The following ASIC4 variants were observed in gnomAD, a reference collection of about 807,000 sequenced individuals.
The protein encoded by ASIC4 is acid sensing ion channel subunit family member 4.
In ASIC4, 28 loss-of-function variants were observed where a neutral mutation model predicts 53.4. That is an observed-to-expected ratio of 0.52 (90% confidence interval 0.39 to 0.72). ASIC4 has a LOEUF of 0.72. Among genes scored for constraint, ASIC4 ranks in the 30% least tolerant of loss-of-function variants. ASIC4 has a pLI of 0.00. For synonymous variants in ASIC4, 289 were observed against 301.4 expected (o/e 0.96, Z 0.43); for missense variants, 649 against 729.7 (o/e 0.89, Z 1.27).
chr2:219,512,776 C>T (rs942487080), upstream of ASIC4, among the ~76,000 whole-genome samples: 3 of 152,278 alleles, frequency 2.0e-5, no homozygotes, highest in African/African-American at 7.2e-5. Flanking sequence ...ACCAGCTGAC[C>T]CAGACTCATT....
At chr2:219,527,515 G>A (rs1169915284) in intron 1 of ASIC4, among the ~76,000 whole-genome samples, 7 of 152,148 alleles carry the variant, frequency 4.6e-5, no homozygotes, top group Non-Finnish European at 7.3e-5. Context: ...AGGTAGGGAC[G>A]CTGCCCCAGC....
At chr2:219,524,435 T>G (rs2125661515) in intron 1 of ASIC4, among the ~76,000 whole-genome samples, 1 of 152,352 alleles carries the variant, frequency 6.6e-6, no homozygotes, top group South Asian at 2.1e-4. Flanking sequence ...CGTTACCCTG[T>G]CTGTAAAATG....
chr2:219,508,207 G>T, the ASIC4 span, among the ~76,000 whole-genome samples: 1 of 152,212 alleles, frequency 6.6e-6, no homozygotes. Context: ...CTGGGAGAGG[G>T]TGGGCCATAG....
At chr2:219,507,799 A>T in the ASIC4 span, among the ~76,000 whole-genome samples, 2 of 151,832 alleles carry the variant, frequency 1.3e-5, no homozygotes, top group African/African-American at 4.8e-5. Flanking sequence ...CATGGGTGGG[A>T]GAAAGGAGGG....
chr2:219,507,210 A>C, the ASIC4 span, among the ~76,000 whole-genome samples: 1 of 150,098 alleles, frequency 6.7e-6, no homozygotes, highest in Non-Finnish European at 1.5e-5. Context: ...CCCCCCCTTC[A>C]CCCCTGCCTC....
In ASIC4 at chr2:219,537,530, C is replaced by T; in HGVS notation, c.1402-102C>T. The T allele has an allele frequency of 8.8e-7, 1 of 1,131,300 alleles. No homozygotes were observed. The highest frequency in any genetic ancestry group is 1.3e-6 in the Non-Finnish European group (1 of 785,612). 70.1% of individuals were successfully genotyped at this position (1,131,300 alleles called of 1,614,324 possible). A position where few individuals can be genotyped will look rare whatever the true frequency, so the allele number is the denominator to read the frequency against. On this transcript the variant is annotated intron_variant, in intron 8 of 9. Coordinates refer to ENST00000358078, the MANE Select transcript of ASIC4 (RefSeq NM_018674.6). The surrounding 1 kb of genome is among the most constrained non-coding windows in gnomAD (Gnocchi z 4.9). ...AGGAGGGTGTCCTACTGGGAGTTTG[C>T]TGTGGCAGTAAGTCCTGTGGGCAGC...
rs1013422895 is a variant in ASIC4, at chr2:219,533,381, C to T, written c.1075+442C>T. Reference sequence around the variant, plus strand: ...TTCATCGATTCGCGCATTCTCCAGACCTTTACAGCCTGTGCTGGGTACTGG... The same window carrying T: ...TTCATCGATTCGCGCATTCTCCAGATCTTTACAGCCTGTGCTGGGTACTGG... On this transcript the variant is annotated intron_variant, in intron 5 of 9. Transcript: ENST00000358078. The T allele has an allele frequency of 2.1e-5, 5 of 239,058 alleles. No homozygotes were observed. In the East Asian group the frequency reaches 4.6e-4, roughly 22 times the overall value. 14.8% of individuals were successfully genotyped at this position (239,058 alleles called of 1,614,324 possible). A position where few individuals can be genotyped will look rare whatever the true frequency, so the allele number is the denominator to read the frequency against.
chr2:219,537,261 G>A lies in ASIC4; in HGVS notation c.1341G>A (p.Met447Ile), dbSNP rs751190245. 1.9e-6 allele frequency: 3 copies of A among 1,613,798 alleles called. No individual in the cohort carries two copies. The highest frequency in any genetic ancestry group is 2.5e-6 in the Non-Finnish European group (3 of 1,179,894). Residue 447 changes from methionine to isoleucine, a missense_variant, in exon 8 of 10, where the codon ATG becomes ATA. Transcript: ENST00000358078. This position sits in a 1 kb window ranked among gnomAD's most constrained non-coding sequence, Gnocchi z 4.9. The part of the protein sequence containing the change: ...SALLGDLGGQ[M>I]GLFIGASILT... Reference sequence around the variant, plus strand: ...TCCCAGGAGACCTCGGGGGACAGATGGGCCTGTTCATTGGGGCCAGCATCC... The same window carrying A: ...TCCCAGGAGACCTCGGGGGACAGATAGGCCTGTTCATTGGGGCCAGCATCC...
chr2:219,514,651 G>A lies in ASIC4; in HGVS notation c.-74G>A. ...CAGCCGCTGCCACCACTGCCACTCG[G>A]GAGGGCACCAGGGCTGCTGGCTAGG... On this transcript the variant is annotated 5_prime_UTR_variant, in exon 1 of 10. Coordinates refer to ENST00000358078, the MANE Select transcript of ASIC4 (RefSeq NM_018674.6). The A allele has an allele frequency of 6.2e-7, 1 of 1,613,012 alleles. No homozygotes were observed. Among genetic ancestry groups the A allele is most frequent in the Non-Finnish European group, 8.5e-7 (1 of 1,179,632 alleles).
Position 219,534,032 on chromosome 2 carries a change from A to AGG in ASIC4, c.1075+1093_1075+1094insGG, listed in dbSNP as rs386392678. 6 of 16,110 alleles carry AGG rather than the reference A, an allele frequency of 3.7e-4. No individual in the cohort carries two copies. The East Asian group carries it at 0.011, about 30-fold the overall frequency. 1.0% of individuals were successfully genotyped at this position (16,110 alleles called of 1,614,324 possible). A position where few individuals can be genotyped will look rare whatever the true frequency, so the allele number is the denominator to read the frequency against. On this transcript the variant is annotated intron_variant, in intron 5 of 9. Coordinates refer to ENST00000358078, the MANE Select transcript of ASIC4 (RefSeq NM_018674.6). ...CTGAGCTACAGAGTTACCCTGTCTC[A>AGG]AAAAAAAAAAAAAAAAAAAAAAAAA...
chr2:219,515,196 C>T lies in ASIC4; in HGVS notation c.472C>T (p.Pro158Ser), dbSNP rs762384202. 17 of 1,614,096 alleles carry T rather than the reference C, an allele frequency of 1.1e-5. No individual in the cohort carries two copies. In the South Asian group the frequency reaches 1.2e-4, roughly 11 times the overall value. The change falls in exon 1 of 10, where the codon CCA becomes TCA. Residue 158 changes from proline (P) to serine (S), a missense_variant. Coordinates refer to ENST00000358078, the MANE Select transcript of ASIC4 (RefSeq NM_018674.6). ...GCACCGTGCGGCTGGCCTGCGCTAC[C>T]CAGAGCCTGACATGGTAGACATCCT... Reference protein sequence around the residue: ...DGHRAAGLRYPEPDMVDILNR... With the variant: ...DGHRAAGLRYSEPDMVDILNR...
Position 219,531,842 on chromosome 2 carries a change from G to A in ASIC4, c.667G>A (p.Gly223Ser). The part of the protein sequence containing the change: ...LPSRAGGMGS[G>S]LEIMLDIQQE... ...CAGCCGGGCAGGGGGCATGGGCAGTGGCCTGGAGATCATGCTGGACATCCA... is the reference window on the plus strand; with the variant it reads ...CAGCCGGGCAGGGGGCATGGGCAGTAGCCTGGAGATCATGCTGGACATCCA... The change falls in exon 2 of 10, where the codon GGC (glycine) becomes AGC (serine). Residue 223 changes from glycine (G) to serine (S), a missense_variant. Gly to Ser is a moderately conservative substitution (Grantham distance 56, BLOSUM62 0). Coordinates refer to ENST00000358078, the MANE Select transcript of ASIC4 (RefSeq NM_018674.6). The A allele has an allele frequency of 6.2e-7, 1 of 1,613,846 alleles. No individual in the cohort carries two copies. The highest frequency in any genetic ancestry group is 8.5e-7 in the Non-Finnish European group (1 of 1,179,878).
At chr2:219,535,876 G>A (rs1429801962) in intron 6 of ASIC4, among the ~76,000 whole-genome samples, 7 of 150,996 alleles carry the variant, frequency 4.6e-5, no homozygotes, top group Admixed American at 1.3e-4. Flanking sequence ...AGGTTCAAGC[G>A]ATTCTTCTCC....
In ASIC4 at chr2:219,538,010, T is replaced by TC; in HGVS notation, c.1589dup (p.Gly531ArgfsTer5). 1 of 1,613,150 alleles carries TC rather than the reference T, an allele frequency of 6.2e-7. No individual in the cohort carries two copies. Among genetic ancestry groups the TC allele is most frequent in the Middle Eastern group, 1.7e-4 (1 of 6,054 alleles). ...TCCCCAATCACCACCACCCCCACGG[T>TC]CCCCCAGGAGGTCTCTTTGAAGATT... On this transcript the variant is annotated frameshift_variant, in exon 10 of 10. Coordinates refer to ENST00000358078, the MANE Select transcript of ASIC4 (RefSeq NM_018674.6). LOFTEE classifies it high-confidence loss of function.
Position 219,535,319 on chromosome 2 carries a change from C to T in ASIC4, c.1224C>T (p.Tyr408=), listed in dbSNP as rs1274213076. ...LARKYNRNET[Y]IRENFLVLDV... ...GGAAGTACAACCGCAACGAGACCTA[C>T]ATACGGTATGTGTGTGTGTGTGTGG... is the stretch of plus-strand genomic sequence containing the variant. The change falls in exon 6 of 10, where the codon TAC becomes TAT. Residue 408 remains tyrosine (Y), a synonymous_variant. Coordinates refer to ENST00000358078, the MANE Select transcript of ASIC4 (RefSeq NM_018674.6). 6.2e-7 allele frequency: 1 copy of T among 1,603,706 alleles called. No individual in the cohort carries two copies. The highest frequency in any genetic ancestry group is 1.7e-5 in the Admixed American group (1 of 58,728).
In ASIC4 at chr2:219,536,742, C is replaced by T. The variant is rs746859447; in HGVS notation, c.1230-324C>T. ...GAAGGGGCATTGTGGAGTGGACTGA[C>T]GGGCAACAGGGGTCACTGAAGGGTC... On this transcript the variant is annotated intron_variant, in intron 6 of 9. Coordinates refer to ENST00000358078, the MANE Select transcript of ASIC4 (RefSeq NM_018674.6). This position sits in a 1 kb window ranked among gnomAD's most constrained non-coding sequence, Gnocchi z 4.6. 3.5e-4 allele frequency among the ~76,000 whole-genome samples: 53 copies of T among 151,562 alleles called. No homozygotes were observed. Among genetic ancestry groups the T allele is most frequent in the Non-Finnish European group, 5.6e-4 (38 of 67,938 alleles).
At chr2:219,533,082 G>A in intron 5 of ASIC4, 143 bp downstream of exon 5, 1 of 925,496 alleles carries the variant, frequency 1.1e-6, no homozygotes, top group South Asian at 1.4e-5. Flanking sequence ...CCATACTTCA[G>A]TGGGGTTGGG....
chr2:219,531,452 G>T (rs1392697280), intron 1 of ASIC4, among the ~76,000 whole-genome samples: 3 of 152,196 alleles, frequency 2.0e-5, no homozygotes, highest in Non-Finnish European at 4.4e-5. Context: ...CAGAAATTCC[G>T]ACTTGAGAAA....
the ASIC4 span, among the ~76,000 whole-genome samples, chr2:219,508,141 T>C: frequency 6.6e-6 from 1 of 151,660 alleles, no homozygotes; most frequent in Non-Finnish European, 1.5e-5. Context: ...TTCATGGGAG[T>C]GGGAGGGGGC....
Sources: allele counts gnomAD v4.1 joint callset (sites outside exome capture counted in the v4.1 genomes callset), GRCh38; gene constraint gnomAD v4.1.1; non-coding constraint Gnocchi (gnomAD v3.1); transcripts MANE v1.5; gene names NCBI Gene and HGNC (gene_info 2026-07-23, HGNC 2026-07-21).